Variants in KIF26B observed in about 807,000 individuals in gnomAD.
KIF26B encodes the protein kinesin family member 26B.
A neutral mutation model predicts 151.2 loss-of-function variants in KIF26B; 63 were observed. That is an observed-to-expected ratio of 0.42 (90% CI 0.34 to 0.51). The LOEUF (loss-of-function observed/expected upper bound fraction) is 0.51, where lower values mean the gene tolerates loss of function less well. Among genes scored for constraint, KIF26B ranks in the 20% least tolerant of loss-of-function variants. The pLI is 0.07. For missense variants in KIF26B, 2,813 were observed against 2,913.6 expected, an observed-to-expected ratio of 0.97 and a Z score of 0.79; for synonymous variants, 1,357 against 1,262.1, an observed-to-expected ratio of 1.08 and a Z score of -1.59.
At chr1:245,306,342 A>T (rs1671538876) in intron 2 of KIF26B, among the ~76,000 whole-genome samples, 2 of 152,220 alleles carry the variant, frequency 1.3e-5, no homozygotes, top group African/African-American at 4.8e-5. Context: ...AAATCTGTAG[A>T]TACAGTATGT....
chr1:245,324,964 A>G (rs938969938), intron 2 of KIF26B, among the ~76,000 whole-genome samples: 5 of 151,810 alleles, frequency 3.3e-5, no homozygotes, highest in African/African-American at 9.7e-5. Flanking sequence ...GTGTGGTGGC[A>G]TGCACCTGTA....
At chr1:245,520,607 C>CCATCCATCCAT (rs1558197351) in intron 4 of KIF26B, among the ~76,000 whole-genome samples, 22 of 107,566 alleles carry the variant, frequency 2.0e-4, no homozygotes, top group African/African-American at 2.0e-4. Flanking sequence ...CATCCACCCA[C>CCATCCATCCAT]CCACCCATCC....
chr1:245,250,905 T>C (rs569729028), intron 2 of KIF26B, among the ~76,000 whole-genome samples: 30 of 152,324 alleles, frequency 2.0e-4, no homozygotes, highest in Non-Finnish European at 2.8e-4. Context: ...GCTCAGCCTA[T>C]AGTCCTACTC....
At chr1:245,552,857 C>T (rs1661926165) in intron 5 of KIF26B, among the ~76,000 whole-genome samples, 1 of 152,152 alleles carries the variant, frequency 6.6e-6, no homozygotes, top group South Asian at 2.1e-4. Flanking sequence ...GCCTTGGCCT[C>T]CCAAAGTGTT....
At chr1:245,404,083 G>A (rs1261964975) in intron 3 of KIF26B, among the ~76,000 whole-genome samples, 2 of 152,148 alleles carry the variant, frequency 1.3e-5, no homozygotes, top group Non-Finnish European at 2.9e-5. Context: ...TTTGTTTTAA[G>A]TGCGGTGGAA....
At position 245,303,673 on chromosome 1, in the gene KIF26B, TA is replaced by T. The variant is rs1204906878; in HGVS notation, c.466-63158del. Among the ~76,000 whole-genome samples the T allele has an allele frequency of 5.9e-5, 9 of 152,350 alleles. No individual in the cohort carries two copies. The East Asian group carries it at 1.2e-3, about 20-fold the overall frequency. On this transcript the variant is annotated intron_variant, in intron 2 of 14. Coordinates refer to ENST00000407071, the MANE Select transcript of KIF26B (RefSeq NM_018012.4). ...AACAGTAGTAGTTTCTTATATTAAC[TA>T]AAGGTGCTGTGAAGGAAACATGGAA...
chr1:245,634,702 T>C (rs1048989629), intron 9 of KIF26B, among the ~76,000 whole-genome samples: 1 of 152,228 alleles, frequency 6.6e-6, no homozygotes, highest in Middle Eastern at 3.4e-3. Flanking sequence ...ACCCTTTGTA[T>C]TTGTTGCTAG....
At chr1:245,172,627 T>C (rs1172074919) in intron 2 of KIF26B, among the ~76,000 whole-genome samples, 1 of 152,060 alleles carries the variant, frequency 6.6e-6, no homozygotes, top group Non-Finnish European at 1.5e-5. Flanking sequence ...CTGGCCAACA[T>C]GGTGAAACCC....
intron 2 of KIF26B, among the ~76,000 whole-genome samples, chr1:245,201,173 C>T (rs112742434): frequency 0.018 from 2,803 of 152,328 alleles, 79 homozygotes; most frequent in African/African-American, 0.061. Context: ...GGGTTAAATA[C>T]AGTCCTGTCT....
intron 4 of KIF26B, among the ~76,000 whole-genome samples, chr1:245,436,656 T>G (rs1658939566): frequency 6.6e-6 from 1 of 152,168 alleles, no homozygotes; most frequent in South Asian, 2.1e-4. Context: ...GTCTACTGAC[T>G]TTAAGTGTTA....
chr1:245,665,156 T>C (rs577263953), intron 10 of KIF26B, among the ~76,000 whole-genome samples: 1 of 152,370 alleles, frequency 6.6e-6, no homozygotes, highest in East Asian at 1.9e-4. Context: ...GTTTGAGCTC[T>C]TGTCATCTAT....
chr1:245,445,952 A>G (rs1659240707), intron 4 of KIF26B, among the ~76,000 whole-genome samples: 1 of 152,178 alleles, frequency 6.6e-6, no homozygotes, highest in Non-Finnish European at 1.5e-5. Flanking sequence ...ATCATCTATT[A>G]CTATTTCATT....
intron 2 of KIF26B, among the ~76,000 whole-genome samples, chr1:245,224,174 A>G (rs1669829516): frequency 1.3e-5 from 2 of 152,082 alleles, no homozygotes; most frequent in African/African-American, 4.8e-5. Context: ...AATCCCAGCT[A>G]CTGGGGAGGC....
intron 2 of KIF26B, among the ~76,000 whole-genome samples, chr1:245,341,125 G>C (rs978879687): frequency 3.3e-5 from 5 of 152,038 alleles, no homozygotes; most frequent in Non-Finnish European, 5.9e-5. Flanking sequence ...GAAGCCAGAT[G>C]GTTTCACTCA....
At chr1:245,571,395 G>A (rs1377969507) in intron 5 of KIF26B, among the ~76,000 whole-genome samples, 1 of 152,220 alleles carries the variant, frequency 6.6e-6, no homozygotes, top group Admixed American at 6.5e-5. Flanking sequence ...AGATCAAGGG[G>A]CAGATAAGTC....
intron 3 of KIF26B, among the ~76,000 whole-genome samples, chr1:245,397,559 A>T (rs2103025475): frequency 6.6e-6 from 1 of 152,224 alleles, no homozygotes; most frequent in East Asian, 1.9e-4. Context: ...TATTTACCAT[A>T]CTCTCCCACT....
intron 4 of KIF26B, among the ~76,000 whole-genome samples, chr1:245,474,076 TGTA>T (rs1360279918): frequency 6.6e-6 from 1 of 151,014 alleles, no homozygotes; most frequent in Non-Finnish European, 1.5e-5. Context: ...TATTGTAAAC[TGTA>T]GTCACCTACT....
intron 2 of KIF26B, among the ~76,000 whole-genome samples, chr1:245,157,079 A>T (rs1183535566): frequency 6.6e-6 from 1 of 151,698 alleles, no homozygotes; most frequent in Non-Finnish European, 1.5e-5. Context: ...CTGTAAAAGC[A>T]AGCTGATGCT....
chr1:245,184,050 G>GTTTTGT (rs1553332273), intron 2 of KIF26B, among the ~76,000 whole-genome samples: 1 of 19,804 alleles, frequency 5.0e-5, no homozygotes, highest in Non-Finnish European at 9.9e-5. Flanking sequence ...GGGAGTTGTT[G>GTTTTGT]TTTTTTTTTT....
Sources: allele counts gnomAD v4.1 joint callset (sites outside exome capture counted in the v4.1 genomes callset), GRCh38; gene constraint gnomAD v4.1.1; transcripts MANE v1.5; gene names NCBI Gene and HGNC (gene_info 2026-07-23, HGNC 2026-07-21).